Variants in IGFL4 observed in about 807,000 individuals in gnomAD.
The protein encoded by IGFL4 is insulin growth factor-like family member 4.
In IGFL4, 12 loss-of-function variants were observed where a neutral mutation model predicts 15.4. The ratio of observed to expected loss-of-function variants is 0.78; its 90% confidence interval spans 0.50 to 1.26. The LOEUF is 1.26. Ranked by LOEUF, IGFL4 falls within the 50% of genes most tolerant of loss-of-function variation. The pLI is 0.00. For missense variants in IGFL4, 126 were observed against 147.8 expected, an observed-to-expected ratio of 0.85 and a Z score of 0.76; for synonymous variants, 54 against 55.9, an observed-to-expected ratio of 0.97 and a Z score of 0.16.
In IGFL4 at chr19:46,039,721, G is replaced by A. The variant is rs1194782597; in HGVS notation, c.*171C>T. On this transcript the variant is annotated 3_prime_UTR_variant, in exon 4 of 4. Transcript: ENST00000377697. ...CTGTTGTTGGTGTATAAGAATGCTT[G>A]TGATTTTTGTACATTGATTTTGTAT... 3.4e-6 allele frequency: 2 copies of A among 581,984 alleles called. No homozygotes were observed. Among genetic ancestry groups the A allele is most frequent in the Non-Finnish European group, 6.3e-6 (2 of 315,234 alleles). 36.1% of individuals were successfully genotyped at this position (581,984 alleles called of 1,614,324 possible).
intron 1 of IGFL4, among the ~76,000 whole-genome samples, chr19:46,070,569 G>C (rs1969536642): frequency 6.6e-6 from 1 of 152,032 alleles, no homozygotes; most frequent in Non-Finnish European, 1.5e-5. Flanking sequence ...GAAAGCTGCT[G>C]ACTTAACTAC....
At chr19:46,045,395 A>C (rs937916117), upstream of IGFL4, among the ~76,000 whole-genome samples, 1 of 150,886 alleles carries the variant, frequency 6.6e-6, no homozygotes, top group African/African-American at 2.4e-5. Flanking sequence ...GTGAGCTGAG[A>C]TCGCGCCACT....
At chr19:46,061,654 A>C (rs1404699146) in intron 1 of IGFL4, among the ~76,000 whole-genome samples, 1 of 152,200 alleles carries the variant, frequency 6.6e-6, no homozygotes, top group African/African-American at 2.4e-5. Flanking sequence ...AAGAAATGCT[A>C]TAGAACAAGA....
At chr19:46,072,148 T>C (rs1389403532) in intron 1 of IGFL4, among the ~76,000 whole-genome samples, 1 of 152,212 alleles carries the variant, frequency 6.6e-6, no homozygotes, top group Admixed American at 6.5e-5. Context: ...GGCCACTGTT[T>C]TCAGGTGGTG....
At chr19:46,050,232 A>G (rs1170635038) in intron 2 of IGFL4, among the ~76,000 whole-genome samples, 1 of 152,220 alleles carries the variant, frequency 6.6e-6, no homozygotes, top group Non-Finnish European at 1.5e-5. Flanking sequence ...ACAGAAAAAT[A>G]ATTTTGGTAA....
At chr19:46,075,567 G>T (rs1969587903) in intron 1 of IGFL4, among the ~76,000 whole-genome samples, 1 of 152,124 alleles carries the variant, frequency 6.6e-6, no homozygotes, top group South Asian at 2.1e-4. Flanking sequence ...GTTTTGGGGA[G>T]CAAGATAACA....
chr19:46,076,263 G>C (rs1178839145), intron 1 of IGFL4, among the ~76,000 whole-genome samples: 1 of 152,166 alleles, frequency 6.6e-6, no homozygotes, highest in Non-Finnish European at 1.5e-5. Context: ...GTGAATCTTG[G>C]AGGGACACAA....
Position 46,040,809 on chromosome 19 carries a change from G to A in IGFL4, c.19+135C>T. On this transcript the variant is annotated intron_variant, in intron 1 of 3. Transcript: ENST00000377697. The surrounding 1 kb of genome is among the most constrained non-coding windows in gnomAD (Gnocchi z 4.1). The stretch of plus-strand genomic sequence containing the variant: ...GGAGACAGATTACAATGCAGTCACA[G>A]ATGACATAGCAGTGATTATGAGGTG... 1.0e-6 allele frequency: 1 copy of A among 971,028 alleles called. No homozygotes were observed. The highest frequency in any genetic ancestry group is 1.6e-6 in the Non-Finnish European group (1 of 625,168). 60.2% of individuals were successfully genotyped at this position (971,028 alleles called of 1,614,324 possible).
chr19:46,072,681 G>A (rs1969557897), intron 1 of IGFL4, among the ~76,000 whole-genome samples: 1 of 152,230 alleles, frequency 6.6e-6, no homozygotes, highest in African/African-American at 2.4e-5. Context: ...CCCTTATGAT[G>A]TGTTCTGTGG....
chr19:46,051,111 A>C (rs1349442013), intron 2 of IGFL4, among the ~76,000 whole-genome samples: 1 of 152,230 alleles, frequency 6.6e-6, no homozygotes, highest in Non-Finnish European at 1.5e-5. Flanking sequence ...TTTTCAGGCA[A>C]ACAAATGCTG....
upstream of IGFL4, among the ~76,000 whole-genome samples, chr19:46,044,314 GATCTGC>G (rs1969277092): frequency 6.6e-6 from 1 of 152,178 alleles, no homozygotes; most frequent in Non-Finnish European, 1.5e-5. Flanking sequence ...CTGGCCCTGG[GATCTGC>G]AGCAAGGGAG....
intron 1 of IGFL4, among the ~76,000 whole-genome samples, chr19:46,061,685 G>T (rs1470588326): frequency 6.6e-6 from 1 of 152,118 alleles, no homozygotes; most frequent in Non-Finnish European, 1.5e-5. Context: ...ATTTTACCAT[G>T]CATTTAATTG....
At position 46,040,467 on chromosome 19, in the gene IGFL4, C is replaced by T. The variant is rs760986528; in HGVS notation, c.70+51G>A. The T allele has an allele frequency of 6.2e-7, 1 of 1,613,814 alleles. No homozygotes were observed. The highest frequency in any genetic ancestry group is 1.1e-5 in the South Asian group (1 of 91,078). On this transcript the variant is annotated intron_variant, in intron 2 of 3. Transcript: ENST00000377697. This position sits in a 1 kb window ranked among gnomAD's most constrained non-coding sequence, Gnocchi z 4.1. ...TGCAAGGACCAGCCTAGGACCACCT[C>T]CCCACCAACCTTAATGCTGTTCTCT... is the stretch of plus-strand genomic sequence containing the variant.
upstream of IGFL4, among the ~76,000 whole-genome samples, chr19:46,043,176 A>G (rs1969263413): frequency 1.3e-5 from 2 of 152,234 alleles, no homozygotes; most frequent in Admixed American, 6.5e-5. Flanking sequence ...TTAGAGGGGA[A>G]CAATGCCATT....
upstream of IGFL4, among the ~76,000 whole-genome samples, chr19:46,042,821 G>C (rs1249224040): frequency 6.6e-6 from 1 of 152,152 alleles, no homozygotes; most frequent in African/African-American, 2.4e-5. Flanking sequence ...TCCCTCCCTA[G>C]AAGCCAGAGG....
chr19:46,050,794 C>T (rs190923160), intron 2 of IGFL4, among the ~76,000 whole-genome samples: 54 of 152,226 alleles, frequency 3.5e-4, no homozygotes, highest in African/African-American at 1.2e-3. Context: ...GAGATTTAGA[C>T]GTTCAAATAC....
intron 1 of IGFL4, among the ~76,000 whole-genome samples, chr19:46,067,265 T>C (rs1969503965): frequency 6.6e-6 from 1 of 152,174 alleles, no homozygotes; most frequent in Admixed American, 6.5e-5. Context: ...TATCTGGACA[T>C]CCGCTTTCAG....
intron 1 of IGFL4, among the ~76,000 whole-genome samples, chr19:46,062,342 C>T (rs1182176232): frequency 2.0e-5 from 3 of 152,192 alleles, no homozygotes; most frequent in African/African-American, 7.2e-5. Flanking sequence ...CACTGATTCC[C>T]TAAGCCAGGA....
At chr19:46,052,484 C>A (rs1367175525) in intron 2 of IGFL4, among the ~76,000 whole-genome samples, 1 of 151,912 alleles carries the variant, frequency 6.6e-6, no homozygotes, top group South Asian at 2.1e-4. Context: ...TGGGATACAA[C>A]AAAAGCAGTG....
Sources: gnomAD v4.1 joint callset for allele counts (sites outside exome capture counted in the v4.1 genomes callset) on GRCh38, gnomAD v4.1.1 for gene constraint, Gnocchi (gnomAD v3.1) non-coding constraint, MANE v1.5 for transcripts, NCBI Gene and HGNC (gene_info 2026-07-23, HGNC 2026-07-21) for gene names.